The following ZNF541 variants were observed in gnomAD, a reference collection of about 807,000 sequenced individuals.
The protein encoded by ZNF541 is zinc finger protein 541.
Under a neutral mutation model 123.5 loss-of-function variants are expected in ZNF541, and 23 were observed. That is an observed-to-expected ratio of 0.19 (90% CI 0.13 to 0.26). The LOEUF (loss-of-function observed/expected upper bound fraction) is 0.26. Among genes scored for constraint, ZNF541 ranks in the 10% least tolerant of loss-of-function variants. The probability of loss-of-function intolerance (pLI) is 1.00; values close to 1 mark genes in which losing one functional copy is unlikely to be tolerated. For missense variants in ZNF541, 1,612 were observed against 1,789.9 expected (o/e 0.90, Z 1.79); for synonymous variants, 751 against 754.5 (o/e 1.00, Z 0.08).
At chr19:47,567,729 G>C (rs113115917) in intron 2 of ZNF541, among the ~76,000 whole-genome samples, 2,248 of 152,312 alleles carry the variant, frequency 0.015, 27 homozygotes, top group Non-Finnish European at 0.021. Context: ...ACAATTGGTT[G>C]GAGGTGAGAA....
At chr19:47,532,828 G>A (rs989196779) in intron 10 of ZNF541, 81 bp downstream of exon 10, 89 of 1,409,314 alleles carry the variant, frequency 6.3e-5, no homozygotes, top group Middle Eastern at 3.6e-4. Flanking sequence ...CCCCACCATG[G>A]GAAGAAGGAA....
intron 4 of ZNF541, among the ~76,000 whole-genome samples, chr19:47,547,013 A>G (rs1418689049): frequency 3.9e-5 from 6 of 152,166 alleles, no homozygotes; most frequent in Admixed American, 3.3e-4. Context: ...GAGCCACTGT[A>G]GCCGGCACAC....
chr19:47,559,920 G>GC (rs1460117366), intron 2 of ZNF541, among the ~76,000 whole-genome samples: 1 of 151,466 alleles, frequency 6.6e-6, no homozygotes, highest in East Asian at 1.9e-4. Flanking sequence ...ACTTACCCCT[G>GC]CCCCATCCCT....
chr19:47,545,748 C>G lies in ZNF541; in HGVS notation c.781G>C (p.Glu261Gln), dbSNP rs1306077405. 6.5e-7 allele frequency: 1 copy of G among 1,543,994 alleles called. No homozygotes were observed. The highest frequency in any genetic ancestry group is 2.0e-5 in the Admixed American group (1 of 50,890). ...AGGAGGGAGCCGGGGGACCTGGCCT[C>G]TGGGGGCACCAGGGACCGCAGGCTG... ...PSSLRSLVPP[E>Q]ARSPGSLLPH... The change falls in exon 5 of 17, where the codon GAG becomes CAG. Residue 261 changes from glutamate (E) to glutamine (Q), a missense_variant. Physicochemically the swap from Glu to Gln is conservative, Grantham distance 29. Transcript: ENST00000391901. The surrounding 1 kb of genome is among the most constrained non-coding windows in gnomAD (Gnocchi z 7.5).
chr19:47,544,743 G>T lies in ZNF541; in HGVS notation c.1786C>A (p.Pro596Thr), dbSNP rs974943508. The change falls in exon 5 of 17, where the codon CCG becomes ACG. Residue 596 changes from proline (P) to threonine (T), a missense_variant. Pro to Thr is a conservative substitution (Grantham distance 38). Around this residue, in one of 5 missense-constraint regions of ZNF541, gnomAD observed 1,080 missense variants for 1,013.8 expected, o/e 1.07. Coordinates refer to ENST00000391901, the MANE Select transcript of ZNF541 (RefSeq NM_001277075.3). ...KPAALRPLQG[P>T]WPQQPPPLAP... ...AGTGGTGGGGGCTGCTGCGGCCACG[G>T]CCCCTGCAGCGGCCTCAGGGCGGCT... The T allele has an allele frequency of 5.3e-6, 8 of 1,500,130 alleles. No homozygotes were observed. The highest frequency in any genetic ancestry group is 7.1e-6 in the Non-Finnish European group (8 of 1,127,208). 92.9% of individuals were successfully genotyped at this position (1,500,130 alleles called of 1,614,324 possible). A position where few individuals can be genotyped will look rare whatever the true frequency, so the allele number is the denominator to read the frequency against.
chr19:47,544,114 G>C lies in ZNF541; in HGVS notation c.2403+12C>G. ...TCCACTCTGGTCAGGCCACGTGAGA[G>C]AGAGCTGGTACCTGGATTCTGCTGA... On this transcript the variant is annotated intron_variant, in intron 5 of 16. Transcript: ENST00000391901. 6.5e-7 allele frequency: 1 copy of C among 1,537,334 alleles called. No homozygotes were observed.
At chr19:47,539,493 G>T (rs1356434552) in intron 8 of ZNF541, among the ~76,000 whole-genome samples, 1 of 151,870 alleles carries the variant, frequency 6.6e-6, no homozygotes, top group Non-Finnish European at 1.5e-5. Context: ...GTAGACACAG[G>T]GTTTCACCAT....
Position 47,545,620 on chromosome 19 carries a change from C to T in ZNF541, c.909G>A (p.Arg303=). ...APAGASDSEG[R]NTACPCPASS... ...AGGCGGGGCAGGGACAGGCAGTGTT[C>T]CTCCCTTCGCTGTCTGAAGCCCCCG... Residue 303 remains arginine, a synonymous_variant, in exon 5 of 17, where the codon AGG becomes AGA. Coordinates refer to ENST00000391901, the MANE Select transcript of ZNF541 (RefSeq NM_001277075.3). This position sits in a 1 kb window ranked among gnomAD's most constrained non-coding sequence, Gnocchi z 7.5. 1.3e-6 allele frequency: 2 copies of T among 1,549,776 alleles called. No individual in the cohort carries two copies. The highest frequency in any genetic ancestry group is 1.7e-6 in the Non-Finnish European group (2 of 1,146,442).
intron 2 of ZNF541, among the ~76,000 whole-genome samples, chr19:47,558,959 T>C (rs1301883511): frequency 1.3e-5 from 2 of 151,686 alleles, no homozygotes; most frequent in Non-Finnish European, 2.9e-5. Flanking sequence ...TTGGCGAGGC[T>C]GGTCTTGAAC....
chr19:47,537,736 G>A (rs1969888216), intron 9 of ZNF541, among the ~76,000 whole-genome samples: 1 of 151,888 alleles, frequency 6.6e-6, no homozygotes, highest in Non-Finnish European at 1.5e-5. Context: ...TTAGCCAGGT[G>A]TGGTGATGCG....
intron 9 of ZNF541, 96 bp downstream of exon 9, chr19:47,538,046 A>G (rs911739833): frequency 7.2e-7 from 1 of 1,393,730 alleles, no homozygotes; most frequent in Non-Finnish European, 9.8e-7. Flanking sequence ...CCCAGGCAGG[A>G]GACAATCACT....
In ZNF541 at chr19:47,556,471, C is replaced by T. The variant is rs758214239; in HGVS notation, c.-98-517G>A. On this transcript the variant is annotated intron_variant, in intron 2 of 16. Coordinates refer to ENST00000391901, the MANE Select transcript of ZNF541 (RefSeq NM_001277075.3). ...TTTTAATTTTTTACAGATATCAAAT[C>T]GAAAATGGATAATTTTTTTTAAGAT... Among the ~76,000 whole-genome samples the T allele has an allele frequency of 3.3e-5, 5 of 152,174 alleles. No individual in the cohort carries two copies. In the East Asian group the frequency reaches 7.7e-4, roughly 23 times the overall value.
At chr19:47,535,020 T>C (rs1289580488) in intron 9 of ZNF541, among the ~76,000 whole-genome samples, 1 of 151,660 alleles carries the variant, frequency 6.6e-6, no homozygotes, top group Non-Finnish European at 1.5e-5. Flanking sequence ...AGTGGTGCCA[T>C]CCTGGCTCAC....
chr19:47,531,401 C>CA (rs961146219), intron 12 of ZNF541, among the ~76,000 whole-genome samples: 21 of 152,044 alleles, frequency 1.4e-4, no homozygotes, highest in Non-Finnish European at 3.1e-4. Flanking sequence ...CCTGAGATCT[C>CA]AGAGGAACCC....
intron 2 of ZNF541, among the ~76,000 whole-genome samples, chr19:47,557,201 G>A (rs564977473): frequency 2.0e-5 from 3 of 152,062 alleles, no homozygotes; most frequent in Non-Finnish European, 4.4e-5. Flanking sequence ...CTGCCCTGCC[G>A]TCTGGGACCT....
intron 3 of ZNF541, among the ~76,000 whole-genome samples, chr19:47,551,915 T>C (rs1970616536): frequency 6.6e-6 from 1 of 152,144 alleles, no homozygotes; most frequent in African/African-American, 2.4e-5. Flanking sequence ...TGGAGTGCAA[T>C]GGCGCCATCT....
intron 5 of ZNF541, 30 bp from the exon 6 acceptor site, chr19:47,540,981 C>T (rs1970056998): frequency 6.5e-7 from 1 of 1,547,396 alleles, no homozygotes; most frequent in Non-Finnish European, 8.7e-7. Context: ...TGAACCAACA[C>T]ATCCAAAATG....
intron 10 of ZNF541, 51 bp from the exon 11 acceptor site, chr19:47,532,321 T>C (rs1347152365): frequency 6.5e-7 from 1 of 1,541,608 alleles, no homozygotes; most frequent in Non-Finnish European, 8.8e-7. Context: ...ATGACTGAGA[T>C]GGGAAGTGAA....
intron 2 of ZNF541, among the ~76,000 whole-genome samples, chr19:47,564,153 T>G (rs1205343495): frequency 6.6e-6 from 1 of 152,174 alleles, no homozygotes; most frequent in Non-Finnish European, 1.5e-5. Context: ...TATACTGCAC[T>G]GCTCCAATTA....
Sources: gnomAD v4.1 joint callset for allele counts (sites outside exome capture counted in the v4.1 genomes callset) on GRCh38, gnomAD v4.1.1 for gene constraint, gnomAD v4.1.1 regional missense constraint, Gnocchi (gnomAD v3.1) non-coding constraint, MANE v1.5 for transcripts, NCBI Gene and HGNC (gene_info 2026-07-23, HGNC 2026-07-21) for gene names.